GREB1L: variants seen among roughly 807,000 people sequenced by gnomAD.
GREB1L encodes GREB1-like protein.
Under a neutral mutation model 200.8 loss-of-function variants are expected in GREB1L, and 17 were observed. That is an observed-to-expected ratio of 0.08 (90% confidence interval 0.06 to 0.13). The LOEUF (loss-of-function observed/expected upper bound fraction) is 0.13, where lower values mean the gene tolerates loss of function less well. GREB1L is among the 10% of genes least tolerant of loss of function. GREB1L has a pLI of 1.00. For missense variants in GREB1L, 1,657 were observed against 2,367.7 expected, an observed-to-expected ratio of 0.70 and a Z score of 6.23; for synonymous variants, 789 against 893.0, an observed-to-expected ratio of 0.88 and a Z score of 2.08.
At chr18:21,245,646 A>C (rs937016611) in intron 1 of GREB1L, among the ~76,000 whole-genome samples, 1 of 152,210 alleles carries the variant, frequency 6.6e-6, no homozygotes, top group Non-Finnish European at 1.5e-5. Flanking sequence ...TTATTAACTT[A>C]AGCCTTCCTG....
chr18:21,253,341 C>A (rs560121919), intron 1 of GREB1L, among the ~76,000 whole-genome samples: 2 of 151,686 alleles, frequency 1.3e-5, no homozygotes, highest in African/African-American at 4.8e-5. Context: ...CAACCTCCAC[C>A]TACCGGGTTC....
At chr18:21,372,290 G>C (rs1158209251) in intron 2 of GREB1L, among the ~76,000 whole-genome samples, 15 of 151,710 alleles carry the variant, frequency 9.9e-5, no homozygotes, top group Non-Finnish European at 2.9e-5. Context: ...TGGGATTACA[G>C]GCACCCGCCA....
At chr18:21,354,510 A>G (rs1340634230) in intron 1 of GREB1L, among the ~76,000 whole-genome samples, 1 of 152,232 alleles carries the variant, frequency 6.6e-6, no homozygotes, top group Non-Finnish European at 1.5e-5. Context: ...AGAATAGGCA[A>G]AAACAGAAAA....
Position 21,454,559 on chromosome 18 carries a change from A to G in GREB1L, c.2178A>G (p.Gln726=), listed in dbSNP as rs2034668829. 1 of 1,550,704 alleles carries G rather than the reference A, an allele frequency of 6.4e-7. No homozygotes were observed. The highest frequency in any genetic ancestry group is 2.0e-5 in the Admixed American group (1 of 51,000). ...AGCAAACTCTTCAGCGGATTCGACA[A>G]TCAGGTAAGAGTGAACTTTCAAAGA... The part of the protein sequence containing the change: ...LVQQTLQRIR[Q]SGVLVDLGLE... The change falls in exon 15 of 33, where the codon CAA becomes CAG. Residue 726 remains glutamine, a synonymous_variant. Coordinates refer to ENST00000424526, the MANE Select transcript of GREB1L (RefSeq NM_001142966.3).
chr18:21,368,042 T>G (rs549052006), intron 2 of GREB1L, among the ~76,000 whole-genome samples: 3 of 152,280 alleles, frequency 2.0e-5, no homozygotes, highest in South Asian at 4.1e-4. Flanking sequence ...TACACATATA[T>G]AGAGAGAAAG....
chr18:21,283,100 A>G (rs1371211498), intron 1 of GREB1L, among the ~76,000 whole-genome samples: 1 of 152,134 alleles, frequency 6.6e-6, no homozygotes, highest in African/African-American at 2.4e-5. Flanking sequence ...GAAAGTCTCC[A>G]CTTCACTTAA....
At chr18:21,382,037 T>C (rs1057297246) in intron 2 of GREB1L, among the ~76,000 whole-genome samples, 5 of 152,124 alleles carry the variant, frequency 3.3e-5, no homozygotes, top group Admixed American at 2.6e-4. Flanking sequence ...AAAAAAAATT[T>C]TGTTTAAATA....
At chr18:21,278,738 AAT>A (rs2038218098) in intron 1 of GREB1L, among the ~76,000 whole-genome samples, 1 of 152,190 alleles carries the variant, frequency 6.6e-6, no homozygotes, top group Admixed American at 6.5e-5. Context: ...ATTTGAATAA[AAT>A]ATCAGTCAGA....
chr18:21,308,356 A>ATT (rs1450879079), intron 1 of GREB1L, among the ~76,000 whole-genome samples: 1 of 152,204 alleles, frequency 6.6e-6, no homozygotes, highest in Admixed American at 6.5e-5. Context: ...ATAAATTTTT[A>ATT]TTTTAACTGT....
intron 15 of GREB1L, among the ~76,000 whole-genome samples, chr18:21,472,473 A>G (rs542404999): frequency 6.6e-6 from 1 of 152,238 alleles, no homozygotes; most frequent in Non-Finnish European, 1.5e-5. Flanking sequence ...TAAATCCAAC[A>G]TTCACTGAGG....
At chr18:21,357,322 G>A (rs1250757046) in intron 1 of GREB1L, among the ~76,000 whole-genome samples, 1 of 152,254 alleles carries the variant, frequency 6.6e-6, no homozygotes, top group Non-Finnish European at 1.5e-5. Flanking sequence ...AAAGTGTTGG[G>A]ATTACAGGCG....
At position 21,400,552 on chromosome 18, in the gene GREB1L, C is replaced by T. The variant is rs551002302; in HGVS notation, c.533-598C>T. 9.2e-4 allele frequency among the ~76,000 whole-genome samples: 140 copies of T among 152,346 alleles called. No individual in the cohort carries two copies. In the Middle Eastern group the frequency reaches 0.01, roughly 11 times the overall value. ...ATGGTTCTTGGTTCCCGTACCTTAG[C>T]TTACATGTGGCTGACATAACCCTAA... On this transcript the variant is annotated intron_variant, in intron 5 of 32. Transcript: ENST00000424526.
intron 1 of GREB1L, among the ~76,000 whole-genome samples, chr18:21,333,015 A>T (rs2039128212): frequency 1.3e-5 from 2 of 152,044 alleles, no homozygotes; most frequent in Admixed American, 1.3e-4. Flanking sequence ...CAGGAGGTTG[A>T]GGCTGACTGC....
chr18:21,275,864 T>C (rs982014046), intron 1 of GREB1L, among the ~76,000 whole-genome samples: 1 of 152,192 alleles, frequency 6.6e-6, no homozygotes, highest in African/African-American at 2.4e-5. Context: ...GCATTTGAGC[T>C]ACAGTGACGG....
chr18:21,391,136 C>T (rs1426820437), intron 4 of GREB1L, among the ~76,000 whole-genome samples: 3 of 152,220 alleles, frequency 2.0e-5, no homozygotes, highest in Non-Finnish European at 4.4e-5. Flanking sequence ...CACATTCACT[C>T]ATTACTCACT....
chr18:21,382,280 G>A (rs771463486), intron 2 of GREB1L, among the ~76,000 whole-genome samples: 2 of 151,862 alleles, frequency 1.3e-5, no homozygotes, highest in Non-Finnish European at 2.9e-5. Context: ...GGCGGAGGTT[G>A]CACTGAGCCA....
At chr18:21,319,333 A>G (rs963959710) in intron 1 of GREB1L, among the ~76,000 whole-genome samples, 5 of 152,238 alleles carry the variant, frequency 3.3e-5, no homozygotes, top group Non-Finnish European at 2.9e-5. Flanking sequence ...TCTTTCGGTT[A>G]ACCAACCAAT....
At chr18:21,365,667 C>T (rs2039661927) in intron 1 of GREB1L, among the ~76,000 whole-genome samples, 1 of 152,060 alleles carries the variant, frequency 6.6e-6, no homozygotes, top group Non-Finnish European at 1.5e-5. Context: ...AATTACCTTC[C>T]ACTAATTTCA....
intron 7 of GREB1L, among the ~76,000 whole-genome samples, chr18:21,412,051 CAAAA>C (rs962603456): frequency 6.6e-4 from 20 of 30,506 alleles, no homozygotes; most frequent in African/African-American, 2.0e-3. Flanking sequence ...GACTCCGTCT[CAAAA>C]AAAAAAAAAA....
Sources: gnomAD v4.1 joint callset for allele counts (sites outside exome capture counted in the v4.1 genomes callset) on GRCh38, gnomAD v4.1.1 for gene constraint, MANE v1.5 for transcripts, NCBI Gene and HGNC (gene_info 2026-07-23, HGNC 2026-07-21) for gene names.